The following FOXN2 variants were observed in gnomAD, a reference collection of about 807,000 sequenced individuals.
FOXN2 encodes forkhead box N2.
Under a neutral mutation model 41.2 loss-of-function variants are expected in FOXN2, and 19 were observed. The ratio of observed to expected loss-of-function variants is 0.46; its 90% CI spans 0.32 to 0.68. FOXN2 has a LOEUF of 0.68. Ranked by LOEUF, FOXN2 falls within the 30% of genes least tolerant of loss-of-function variation. The pLI is 0.03. For missense variants in FOXN2, 587 were observed against 509.4 expected, an observed-to-expected ratio of 1.15 and a Z score of -1.47; for synonymous variants, 195 against 176.8, an observed-to-expected ratio of 1.10 and a Z score of -0.82.
At chr2:48,338,331 A>G (rs1281042444) in intron 2 of FOXN2, among the ~76,000 whole-genome samples, 2 of 152,170 alleles carry the variant, frequency 1.3e-5, no homozygotes, top group African/African-American at 2.4e-5. Flanking sequence ...TGCATTCTTA[A>G]CAGGTGAGAG....
Position 48,335,380 on chromosome 2 carries a change from C to T in FOXN2, c.-15+6678C>T, listed in dbSNP as rs181137647. 3.2e-4 allele frequency among the ~76,000 whole-genome samples: 48 copies of T among 151,860 alleles called. 1 individual carries two copies. In the Middle Eastern group the frequency reaches 0.01, roughly 32 times the overall value. On this transcript the variant is annotated intron_variant, in intron 2 of 6. Transcript: ENST00000340553. Reference sequence around the variant, plus strand: ...AAAGGTAAATCTTAAGAAATTTAGACCACAAGATAGACAAGAAATTGGAAA... The same window carrying T: ...AAAGGTAAATCTTAAGAAATTTAGATCACAAGATAGACAAGAAATTGGAAA...
intron 2 of FOXN2, among the ~76,000 whole-genome samples, chr2:48,338,506 A>G (rs1375336438): frequency 6.6e-6 from 1 of 151,632 alleles, no homozygotes; most frequent in African/African-American, 2.4e-5. Flanking sequence ...GGTTCACGCC[A>G]TTCTCCTGCC....
intron 5 of FOXN2, among the ~76,000 whole-genome samples, chr2:48,369,914 C>G (rs1246740308): frequency 1.3e-5 from 2 of 151,444 alleles, no homozygotes; most frequent in African/African-American, 4.9e-5. Context: ...GTTGAAGGAT[C>G]GTTTGAGCCT....
At chr2:48,362,011 TTTTAAATGCATTATTATTA>T (rs1273428573) in intron 4 of FOXN2, among the ~76,000 whole-genome samples, 149 of 152,292 alleles carry the variant, frequency 9.8e-4, no homozygotes, top group African/African-American at 3.4e-3. Flanking sequence ...GTTCCAGGCA[TTTTAAATGCATTATTATTA>T]TTTAATTATC....
At chr2:48,364,703 G>C (rs1365185190) in intron 5 of FOXN2, among the ~76,000 whole-genome samples, 1 of 152,250 alleles carries the variant, frequency 6.6e-6, no homozygotes, top group African/African-American at 2.4e-5. Context: ...CCTGACATCT[G>C]TTTTTGGGTG....
chr2:48,376,311 A>T lies in FOXN2; in HGVS notation c.*868A>T, dbSNP rs1673243310. 6.6e-6 allele frequency: 1 copy of T among 152,066 alleles called. No homozygotes were observed. Among genetic ancestry groups the T allele is most frequent in the Non-Finnish European group, 1.5e-5 (1 of 67,986 alleles). 9.4% of individuals were successfully genotyped at this position (152,066 alleles called of 1,614,324 possible). On this transcript the variant is annotated 3_prime_UTR_variant, in exon 7 of 7. Coordinates refer to ENST00000340553, the MANE Select transcript of FOXN2 (RefSeq NM_002158.4). ...CATTTTGACACACTTGTAATAAGAGAATCTTTCATTTGCCTGCCATGTGTA... is the reference window on the plus strand; with the variant it reads ...CATTTTGACACACTTGTAATAAGAGTATCTTTCATTTGCCTGCCATGTGTA...
At chr2:48,348,024 A>C (rs1166414419) in intron 3 of FOXN2, among the ~76,000 whole-genome samples, 1 of 150,638 alleles carries the variant, frequency 6.6e-6, no homozygotes, top group Non-Finnish European at 1.5e-5. Flanking sequence ...TTGACTATAG[A>C]GGGCCTAGAT....
intron 3 of FOXN2, 102 bp from the exon 4 acceptor site, chr2:48,358,945 A>T (rs937430192): frequency 1.2e-6 from 1 of 816,418 alleles, no homozygotes; most frequent in Non-Finnish European, 1.9e-6. Flanking sequence ...CATACTCAAA[A>T]GGTGCTAGAG....
intron 1 of FOXN2, among the ~76,000 whole-genome samples, chr2:48,317,232 T>A (rs1028360197): frequency 6.6e-5 from 10 of 152,064 alleles, no homozygotes; most frequent in Non-Finnish European, 8.8e-5. Context: ...GAGGATCACC[T>A]GAGGTTAGGA....
At chr2:48,331,834 C>T (rs1448631385) in intron 2 of FOXN2, among the ~76,000 whole-genome samples, 4 of 151,546 alleles carry the variant, frequency 2.6e-5, no homozygotes, top group Admixed American at 2.6e-4. Flanking sequence ...AAGAAAAATC[C>T]CAGAACCTTT....
intron 3 of FOXN2, among the ~76,000 whole-genome samples, chr2:48,352,104 T>C (rs1671487344): frequency 1.3e-5 from 2 of 149,200 alleles, no homozygotes; most frequent in African/African-American, 4.9e-5. Flanking sequence ...TGAGAGTTTT[T>C]AAGCCAGGAG....
At chr2:48,370,510 T>G (rs1672820775) in intron 5 of FOXN2, among the ~76,000 whole-genome samples, 1 of 152,208 alleles carries the variant, frequency 6.6e-6, no homozygotes, top group Non-Finnish European at 1.5e-5. Flanking sequence ...CTCTGACCTC[T>G]ATATTTAAAA....
At chr2:48,324,913 T>C (rs1669563346) in intron 1 of FOXN2, among the ~76,000 whole-genome samples, 1 of 152,178 alleles carries the variant, frequency 6.6e-6, no homozygotes, top group African/African-American at 2.4e-5. Flanking sequence ...GGAGGAGTTG[T>C]CGTTAAATTA....
At chr2:48,328,016 A>G (rs143149205) in intron 1 of FOXN2, among the ~76,000 whole-genome samples, 5 of 152,314 alleles carry the variant, frequency 3.3e-5, no homozygotes, top group Non-Finnish European at 5.9e-5. Flanking sequence ...ATTTCTGATC[A>G]TGAATATACT....
chr2:48,373,755 C>A (rs972842073), intron 6 of FOXN2, among the ~76,000 whole-genome samples: 11 of 151,982 alleles, frequency 7.2e-5, no homozygotes, highest in Admixed American at 7.2e-4. Flanking sequence ...AATAAAACAT[C>A]AAAATTTTAG....
intron 5 of FOXN2, among the ~76,000 whole-genome samples, chr2:48,368,652 A>AT (rs1346366848): frequency 6.6e-6 from 1 of 152,226 alleles, no homozygotes; most frequent in Non-Finnish European, 1.5e-5. Flanking sequence ...TGATTGCACC[A>AT]TTGCACTCCA....
intron 3 of FOXN2, among the ~76,000 whole-genome samples, chr2:48,355,289 G>T (rs1303062559): frequency 6.6e-6 from 1 of 152,176 alleles, no homozygotes; most frequent in East Asian, 1.9e-4. Context: ...GGAAGTGAGA[G>T]CTAGAGAATG....
chr2:48,372,724 G>A (rs993119024), intron 5 of FOXN2, among the ~76,000 whole-genome samples: 1 of 152,032 alleles, frequency 6.6e-6, no homozygotes, highest in African/African-American at 2.4e-5. Context: ...TGTCGTACAT[G>A]TAGGCTTGTG....
chr2:48,315,332 C>G (rs1029905308), intron 1 of FOXN2, among the ~76,000 whole-genome samples: 1 of 152,162 alleles, frequency 6.6e-6, no homozygotes, highest in Non-Finnish European at 1.5e-5. Context: ...CTGGCTGGGC[C>G]CCGCCAAGTA....
Sources: gnomAD v4.1 joint callset for allele counts (sites outside exome capture counted in the v4.1 genomes callset) on GRCh38, gnomAD v4.1.1 for gene constraint, MANE v1.5 for transcripts, NCBI Gene and HGNC (gene_info 2026-07-23, HGNC 2026-07-21) for gene names.